CPS1: variants seen among roughly 807,000 people sequenced by gnomAD.
CPS1 encodes carbamoyl-phosphate synthase 1.
Under a neutral mutation model 174.6 loss-of-function variants are expected in CPS1, and 109 were observed. The ratio of observed to expected loss-of-function variants is 0.62; its 90% CI spans 0.53 to 0.73. The LOEUF (loss-of-function observed/expected upper bound fraction) is 0.73. CPS1 is among the 30% of genes least tolerant of loss of function. CPS1 has a pLI of 0.00. For synonymous variants in CPS1, 637 were observed against 632.0 expected (o/e 1.01, Z -0.12); for missense variants, 1,689 against 1,821.9 (o/e 0.93, Z 1.33).
chr2:210,641,777 C>T (rs542047668), intron 24 of CPS1, among the ~76,000 whole-genome samples: 2 of 152,258 alleles, frequency 1.3e-5, no homozygotes, highest in East Asian at 1.9e-4. Context: ...ATTTGAATAA[C>T]GTGTTTTCAC....
At chr2:210,498,753 G>T (rs1295769573) in intron 1 of CPS1, among the ~76,000 whole-genome samples, 3 of 152,288 alleles carry the variant, frequency 2.0e-5, no homozygotes, top group Middle Eastern at 3.4e-3. Flanking sequence ...TCTTATTCCA[G>T]TAGAGTGGGT....
intron 2 of CPS1, 70 bp from the exon 3 acceptor site, chr2:210,576,276 C>A: frequency 6.8e-7 from 1 of 1,474,064 alleles, no homozygotes; most frequent in Non-Finnish European, 9.5e-7. Flanking sequence ...TAATTCAGAG[C>A]ATGTATGCAG....
At chr2:210,639,959 TA>T in intron 23 of CPS1, 36 bp from the exon 24 acceptor site, 2 of 1,439,344 alleles carry the variant, frequency 1.4e-6, no homozygotes, top group Non-Finnish European at 2.0e-6. Flanking sequence ...TAATAACACT[TA>T]ATGATTTCTG....
At chr2:210,671,974 A>G (rs1233904779) in intron 34 of CPS1, 1 of 152,174 alleles carries the variant, frequency 6.6e-6, no homozygotes, top group Middle Eastern at 3.2e-3. Flanking sequence ...ATATTACACA[A>G]TGAGTGAACG....
Position 210,611,322 on chromosome 2 carries a change from G to T in CPS1, c.2392-795G>T, listed in dbSNP as rs190870276. Among the ~76,000 whole-genome samples the T allele has an allele frequency of 2.0e-5, 3 of 152,016 alleles. No homozygotes were observed. In the East Asian group the frequency reaches 5.8e-4, roughly 30 times the overall value. On this transcript the variant is annotated intron_variant, in intron 19 of 37. Transcript: ENST00000233072. The stretch of plus-strand genomic sequence containing the variant: ...GAATCACAAAAGTTTACTGAAAATA[G>T]CATTATGACTGCTATTATTTTAAAT...
intron 21 of CPS1, among the ~76,000 whole-genome samples, chr2:210,630,104 A>AC (rs1322303948): frequency 2.6e-5 from 4 of 151,238 alleles, no homozygotes; most frequent in Admixed American, 2.0e-4. Flanking sequence ...AAAAAAAAAA[A>AC]CAAAACCATG....
chr2:210,638,231 A>G (rs572481692), intron 22 of CPS1, among the ~76,000 whole-genome samples: 3 of 152,344 alleles, frequency 2.0e-5, no homozygotes, highest in African/African-American at 7.2e-5. Context: ...TGAAAATAAT[A>G]GTTATCTCCT....
chr2:210,590,003 TCCTTC>T, intron 7 of CPS1, 98 bp from the exon 8 acceptor site: 1 of 1,473,420 alleles, frequency 6.8e-7, no homozygotes, highest in Non-Finnish European at 9.4e-7. Flanking sequence ...TACAAATTTT[TCCTTC>T]CCTTTAAGGA....
intron 1 of CPS1, among the ~76,000 whole-genome samples, chr2:210,501,987 C>T (rs1010626594): frequency 2.6e-5 from 4 of 152,090 alleles, no homozygotes; most frequent in Non-Finnish European, 4.4e-5. Context: ...CTGGAGAGCC[C>T]TCAAGAAACT....
intron 34 of CPS1, among the ~76,000 whole-genome samples, chr2:210,671,411 C>G (rs1456115165): frequency 1.3e-5 from 2 of 152,172 alleles, no homozygotes; most frequent in African/African-American, 2.4e-5. Flanking sequence ...ACTTGGCTTT[C>G]TTTTCTGTAG....
At position 210,600,541 on chromosome 2, in the gene CPS1, TGGTTCTTCTTTA is replaced by T; in HGVS notation, c.1550-11_1550del. 6.2e-7 allele frequency: 1 copy of T among 1,611,420 alleles called. No individual in the cohort carries two copies. The highest frequency in any genetic ancestry group is 8.5e-7 in the Non-Finnish European group (1 of 1,178,378). On this transcript the variant is annotated splice_acceptor_variant and splice_polypyrimidine_tract_variant and intron_variant, in intron 14 of 37. Coordinates refer to ENST00000233072, the MANE Select transcript of CPS1 (RefSeq NM_001875.5). LOFTEE classifies it high-confidence loss of function. ...CAAGATTTTAAAAACTAATCCTATT[TGGTTCTTCTTTA>T]GGAGTGGAACTATTCAAGAGAGGTG...
intron 1 of CPS1, among the ~76,000 whole-genome samples, chr2:210,521,500 C>T (rs1335668381): frequency 2.0e-5 from 3 of 151,852 alleles, no homozygotes; most frequent in Non-Finnish European, 4.4e-5. Context: ...CTGATTTTCA[C>T]ATAGTTTTCT....
intron 21 of CPS1, among the ~76,000 whole-genome samples, chr2:210,632,284 T>G (rs1254462456): frequency 1.3e-5 from 2 of 152,212 alleles, no homozygotes; most frequent in Non-Finnish European, 2.9e-5. Flanking sequence ...GGAACATCTA[T>G]CTGAGTCTCC....
At chr2:210,605,901 A>G (rs1383950666) in intron 17 of CPS1, among the ~76,000 whole-genome samples, 2 of 151,890 alleles carry the variant, frequency 1.3e-5, no homozygotes, top group East Asian at 3.9e-4. Context: ...TCTGGGAAAC[A>G]TTTAGATTTA....
chr2:210,641,248 A>G (rs1489673594), intron 24 of CPS1, among the ~76,000 whole-genome samples: 1 of 152,078 alleles, frequency 6.6e-6, no homozygotes, highest in African/African-American at 2.4e-5. Context: ...CAGCCTCCCT[A>G]GAAGCTGGGC....
chr2:210,571,587 T>A (rs564890194), intron 1 of CPS1, among the ~76,000 whole-genome samples: 1 of 152,038 alleles, frequency 6.6e-6, no homozygotes, highest in African/African-American at 2.4e-5. Context: ...CACTCACACA[T>A]AAACAAGACG....
intron 17 of CPS1, among the ~76,000 whole-genome samples, chr2:210,605,597 A>G (rs1205200161): frequency 2.6e-5 from 4 of 151,898 alleles, no homozygotes; most frequent in African/African-American, 9.7e-5. Flanking sequence ...AGTAAATGAG[A>G]AAATAGGCAC....
Position 210,666,059 on chromosome 2 carries a change from C to T in CPS1, c.4003-2127C>T, listed in dbSNP as rs1026509946. On this transcript the variant is annotated intron_variant, in intron 33 of 37. Coordinates refer to ENST00000233072, the MANE Select transcript of CPS1 (RefSeq NM_001875.5). ...GGTATCTCATTGTGGTTTAGATTTG[C>T]ATTTCTCTGATGGCCAGTGATGATG... 6.4e-3 allele frequency among the ~76,000 whole-genome samples: 977 copies of T among 151,856 alleles called. 6 individuals carry two copies. Among genetic ancestry groups the T allele is most frequent in the Non-Finnish European group, 0.011 (744 of 67,902 alleles).
intron 1 of CPS1, among the ~76,000 whole-genome samples, chr2:210,500,319 G>T (rs578250384): frequency 1.3e-5 from 2 of 152,118 alleles, no homozygotes; most frequent in East Asian, 3.9e-4. Context: ...ACACAATCAT[G>T]CCCTCCCAAC....
Sources: allele counts gnomAD v4.1 joint callset (sites outside exome capture counted in the v4.1 genomes callset), GRCh38; gene constraint gnomAD v4.1.1; transcripts MANE v1.5; gene names NCBI Gene and HGNC (gene_info 2026-07-23, HGNC 2026-07-21).